Variants in RNGTT observed in about 807,000 individuals in gnomAD.
The protein encoded by RNGTT is mRNA-capping enzyme.
In RNGTT, 33 loss-of-function variants were observed where a neutral mutation model predicts 79.3. The observed-to-expected ratio is 0.42, with a 90% CI of 0.32 to 0.56. The LOEUF is 0.56. Among genes scored for constraint, RNGTT ranks in the 20% least tolerant of loss-of-function variants. The pLI is 0.17. For synonymous variants in RNGTT, 222 were observed against 235.9 expected (o/e 0.94, Z 0.54); for missense variants, 497 against 739.1 (o/e 0.67, Z 3.80).
chr6:88,762,933 C>G (rs1562239816), intron 13 of RNGTT, among the ~76,000 whole-genome samples: 5 of 151,292 alleles, frequency 3.3e-5, no homozygotes, highest in Non-Finnish European at 1.5e-5. Flanking sequence ...TTTCTTTTTC[C>G]TTTTTTTTAA....
rs73506522 is a variant in RNGTT, at chr6:88,897,174, C to T, written c.685-5259G>A. Among the ~76,000 whole-genome samples the T allele has an allele frequency of 2.2e-3, 342 of 152,300 alleles. 1 individual carries two copies. The highest frequency in any genetic ancestry group is 8.0e-3 in the African/African-American group (331 of 41,558). The stretch of plus-strand genomic sequence containing the variant: ...ACCTTACTTCCTATTCAGCCTAGAA[C>T]CTATGGCTGATTACTTCAATTATTT... On this transcript the variant is annotated intron_variant, in intron 6 of 15. Transcript: ENST00000369485.
At chr6:88,766,896 T>C (rs1325951821) in intron 13 of RNGTT, among the ~76,000 whole-genome samples, 6 of 152,096 alleles carry the variant, frequency 3.9e-5, no homozygotes, top group Admixed American at 3.9e-4. Flanking sequence ...ACTTCACTAG[T>C]GCATGCTTAA....
intron 13 of RNGTT, among the ~76,000 whole-genome samples, chr6:88,689,067 G>A (rs1253507543): frequency 6.6e-6 from 1 of 152,116 alleles, no homozygotes; most frequent in Non-Finnish European, 1.5e-5. Flanking sequence ...GTTTGGGGGG[G>A]AGTCAAAAAT....
chr6:88,813,375 A>G (rs1036899707), intron 11 of RNGTT, among the ~76,000 whole-genome samples: 1 of 152,086 alleles, frequency 6.6e-6, no homozygotes, highest in African/African-American at 2.4e-5. Context: ...TAACCTACCA[A>G]TCCCTGAACA....
chr6:88,905,807 C>T (rs1451551943), intron 5 of RNGTT, among the ~76,000 whole-genome samples: 1 of 152,154 alleles, frequency 6.6e-6, no homozygotes, highest in Admixed American at 6.5e-5. Flanking sequence ...AGTGAATATA[C>T]AGTTTATGAA....
chr6:88,807,608 C>G (rs1274232637), intron 11 of RNGTT, among the ~76,000 whole-genome samples: 1 of 152,070 alleles, frequency 6.6e-6, no homozygotes, highest in African/African-American at 2.4e-5. Flanking sequence ...ATTTGTACAG[C>G]TGGAATGCGA....
chr6:88,757,027 T>C (rs1215402397), intron 13 of RNGTT, among the ~76,000 whole-genome samples: 1 of 152,202 alleles, frequency 6.6e-6, no homozygotes, highest in Non-Finnish European at 1.5e-5. Flanking sequence ...TAACATCCAC[T>C]ATGCCACACT....
At chr6:88,650,304 T>C (rs1265610471) in intron 14 of RNGTT, among the ~76,000 whole-genome samples, 2 of 152,188 alleles carry the variant, frequency 1.3e-5, no homozygotes, top group Non-Finnish European at 2.9e-5. Flanking sequence ...CTGGGAACCT[T>C]TTCTTGATTA....
chr6:88,679,705 G>C (rs998233592), intron 13 of RNGTT, among the ~76,000 whole-genome samples: 1 of 152,162 alleles, frequency 6.6e-6, no homozygotes, highest in African/African-American at 2.4e-5. Context: ...CATTATAACT[G>C]TGCTTGTGGA....
chr6:88,715,636 C>A (rs1008362722), intron 13 of RNGTT, among the ~76,000 whole-genome samples: 1 of 152,070 alleles, frequency 6.6e-6, no homozygotes, highest in Non-Finnish European at 1.5e-5. Context: ...CAATGGAACA[C>A]AACAGAGCCC....
chr6:88,645,237 G>A (rs959990872), intron 14 of RNGTT, among the ~76,000 whole-genome samples: 5 of 152,122 alleles, frequency 3.3e-5, no homozygotes, highest in Admixed American at 2.0e-4. Context: ...CAAATCATGA[G>A]TGAACTCCCA....
chr6:88,841,459 T>C (rs140257947), intron 11 of RNGTT, among the ~76,000 whole-genome samples: 1 of 152,186 alleles, frequency 6.6e-6, no homozygotes, highest in African/African-American at 2.4e-5. Context: ...CATATGTTGC[T>C]ATATTTTTGT....
chr6:88,739,148 A>C (rs1027413160), intron 13 of RNGTT, among the ~76,000 whole-genome samples: 3 of 152,168 alleles, frequency 2.0e-5, no homozygotes, highest in African/African-American at 7.2e-5. Flanking sequence ...AACTACATAC[A>C]AGGGAAATCA....
chr6:88,700,185 A>G (rs374329699), intron 13 of RNGTT, among the ~76,000 whole-genome samples: 1 of 152,200 alleles, frequency 6.6e-6, no homozygotes, highest in African/African-American at 2.4e-5. Context: ...AAGGTTATCA[A>G]CAACTTCAAA....
rs190899328 is a variant in RNGTT at position 88,900,116 on chromosome 6, A to G, written c.684+4599T>C. 2.5e-3 allele frequency among the ~76,000 whole-genome samples: 351 copies of G among 142,792 alleles called. 1 individual carries two copies. The highest frequency in any genetic ancestry group is 9.0e-3 in the African/African-American group (342 of 38,206). The allele number at this position is 142,792 out of a possible 152,430, so 93.7% of individuals were successfully genotyped here. On this transcript the variant is annotated intron_variant, in intron 6 of 15. Transcript: ENST00000369485. ...CATAAACAATGTCTAGTATTCAATC[A>G]AAAATACTCAAATATGCAAAAAAAA...
chr6:88,934,514 T>A (rs563846532), intron 2 of RNGTT, among the ~76,000 whole-genome samples: 1 of 152,338 alleles, frequency 6.6e-6, no homozygotes, highest in East Asian at 1.9e-4. Context: ...TAATGGGATT[T>A]TTTTCCTGTT....
At chr6:88,718,649 CTTCTA>C (rs1776604944) in intron 13 of RNGTT, among the ~76,000 whole-genome samples, 1 of 151,862 alleles carries the variant, frequency 6.6e-6, no homozygotes, top group African/African-American at 2.4e-5. Flanking sequence ...TTTGGAGCCC[CTTCTA>C]TTTTATTTCT....
At chr6:88,666,948 G>T (rs188979682) in intron 14 of RNGTT, among the ~76,000 whole-genome samples, 4 of 152,304 alleles carry the variant, frequency 2.6e-5, no homozygotes, top group South Asian at 2.1e-4. Context: ...AAAGAAAAAG[G>T]CCTATTGAAC....
At chr6:88,915,337 T>C (rs1233061390) in intron 4 of RNGTT, among the ~76,000 whole-genome samples, 2 of 152,208 alleles carry the variant, frequency 1.3e-5, no homozygotes, top group African/African-American at 2.4e-5. Flanking sequence ...CACAGCACTA[T>C]TTACAATAGC....
Sources: gnomAD v4.1 joint callset for allele counts (sites outside exome capture counted in the v4.1 genomes callset) on GRCh38, gnomAD v4.1.1 for gene constraint, MANE v1.5 for transcripts, NCBI Gene and HGNC (gene_info 2026-07-23, HGNC 2026-07-21) for gene names.